Variants in TFG observed in about 807,000 individuals in gnomAD.
TFG encodes the protein protein TFG.
In TFG, 22 loss-of-function variants were observed where a neutral mutation model predicts 51.4. That is an observed-to-expected ratio of 0.43 (90% CI 0.31 to 0.61). The LOEUF (loss-of-function observed/expected upper bound fraction) is 0.61, where lower values mean the gene tolerates loss of function less well. Ranked by LOEUF, TFG falls within the 20% of genes least tolerant of loss-of-function variation. The probability of loss-of-function intolerance (pLI) is 0.12; values close to 1 mark genes in which losing one functional copy is unlikely to be tolerated. For missense variants in TFG, 419 were observed against 487.7 expected (o/e 0.86, Z 1.33); for synonymous variants, 187 against 165.6 (o/e 1.13, Z -0.99).
At chr3:100,722,805 A>G (rs972912565) in intron 3 of TFG, among the ~76,000 whole-genome samples, 1 of 152,228 alleles carries the variant, frequency 6.6e-6, no homozygotes, top group African/African-American at 2.4e-5. Flanking sequence ...AAGTAAAAAT[A>G]CTTTGAAAGA....
Position 100,725,622 on chromosome 3 carries a change from CAA to C in TFG, c.269-3068_269-3067del, listed in dbSNP as rs763163559. ...CGAAACTCCGTCTCTACCAAAAATACAAAAAAAAAAAAAAAAAAAAAAATTAG... is the reference window on the plus strand; with the variant it reads ...CGAAACTCCGTCTCTACCAAAAATACAAAAAAAAAAAAAAAAAAAAATTAG... On this transcript the variant is annotated intron_variant, in intron 3 of 7. Transcript: ENST00000240851. 7.8e-3 allele frequency among the ~76,000 whole-genome samples: 655 copies of C among 83,486 alleles called. 12 individuals carry two copies. The highest frequency in any genetic ancestry group is 0.045 in the Admixed American group (324 of 7,180). The allele number at this position is 83,486 out of a possible 152,430, so 54.8% of individuals were successfully genotyped here.
At position 100,732,495 on chromosome 3, in the gene TFG, T is replaced by C; in HGVS notation, c.416-13T>C. ...AAGGAAACAAGTTTTTGTTTATTCC[T>C]CTATTTTTACAGATACTGTGGATGG... On this transcript the variant is annotated splice_polypyrimidine_tract_variant and intron_variant, in intron 4 of 7. Coordinates refer to ENST00000240851, the MANE Select transcript of TFG (RefSeq NM_006070.6). 6.3e-7 allele frequency: 1 copy of C among 1,589,584 alleles called. No homozygotes were observed. Among genetic ancestry groups the C allele is most frequent in the Non-Finnish European group, 8.5e-7 (1 of 1,172,290 alleles).
At chr3:100,741,123 TTACTA>T (rs545599363) in intron 6 of TFG, among the ~76,000 whole-genome samples, 6 of 151,892 alleles carry the variant, frequency 4.0e-5, no homozygotes, top group African/African-American at 1.5e-4. Context: ...ATTTGTGAAT[TTACTA>T]TACTATATTT....
chr3:100,748,280 C>G lies in TFG; in HGVS notation c.952C>G (p.Gln318Glu). 1 of 1,614,124 alleles carries G rather than the reference C, an allele frequency of 6.2e-7. No homozygotes were observed. The highest frequency in any genetic ancestry group is 8.5e-7 in the Non-Finnish European group (1 of 1,179,996). ...PQQLPAQPPQ[Q>E]YQASNYPAQT... ...ACAACTGCCTGCTCAGCCGCCACAG[C>G]AGTACCAGGCGAGCAATTATCCTGC... The change falls in exon 8 of 8, where the codon CAG becomes GAG. Residue 318 changes from glutamine (Q) to glutamate (E), a missense_variant. Physicochemically the swap from Gln to Glu is conservative, Grantham distance 29 (BLOSUM62 2). This residue lies in a region of TFG where 391 missense variants were observed against 434.4 expected (regional missense o/e 0.90). Transcript: ENST00000240851.
intron 2 of TFG, among the ~76,000 whole-genome samples, chr3:100,717,929 T>A: frequency 1.3e-5 from 2 of 152,326 alleles, no homozygotes; most frequent in East Asian, 3.9e-4. Flanking sequence ...TTTTATTTTT[T>A]ATTTTTTTGT....
At chr3:100,732,828 T>C (rs1180719518) in intron 5 of TFG, among the ~76,000 whole-genome samples, 156 bp downstream of exon 5, 7 of 152,218 alleles carry the variant, frequency 4.6e-5, no homozygotes, top group African/African-American at 9.6e-5. Context: ...TGTACACTTA[T>C]GTAAAAGACT....
rs747646332 is a variant in TFG at position 100,728,664 on chromosome 3, C to G, written c.269-48C>G. 6 of 1,450,786 alleles carry G rather than the reference C, an allele frequency of 4.1e-6. No homozygotes were observed. The African/African-American group carries it at 7.3e-5, about 18-fold the overall frequency. The allele number at this position is 1,450,786 out of a possible 1,614,324, so 89.9% of individuals were successfully genotyped here. A position where few individuals can be genotyped will look rare whatever the true frequency, so the allele number is the denominator to read the frequency against. ...TTCCTTGTTGCATATTATTAGTATA[C>G]TTATTCATGAACTTCTAATTTTAAG... On this transcript the variant is annotated intron_variant, in intron 3 of 7. Coordinates refer to ENST00000240851, the MANE Select transcript of TFG (RefSeq NM_006070.6).
chr3:100,723,047 G>A (rs1307508813), intron 3 of TFG, among the ~76,000 whole-genome samples: 2 of 152,192 alleles, frequency 1.3e-5, no homozygotes, highest in African/African-American at 4.8e-5. Flanking sequence ...TCAGGGGATT[G>A]GGAAGCACCA....
intron 2 of TFG, among the ~76,000 whole-genome samples, chr3:100,714,566 C>A (rs548412114): frequency 7.8e-6 from 1 of 127,672 alleles, no homozygotes. Context: ...TTTTCACATA[C>A]ATTTTTTTTA....
At chr3:100,723,686 T>C (rs9853596) in intron 3 of TFG, among the ~76,000 whole-genome samples, 4,537 of 152,292 alleles carry the variant, frequency 0.03, 182 homozygotes, top group African/African-American at 0.092. Flanking sequence ...TGAACACTTA[T>C]GCATGTTAGC....
chr3:100,709,931 G>A (rs1457364774), intron 1 of TFG: 2 of 132,728 alleles, frequency 1.5e-5, no homozygotes, highest in African/African-American at 2.7e-5. Context: ...TGCATGGGGG[G>A]AGGGGAAGGG....
At chr3:100,745,612 CAG>C (rs1350494196) in intron 7 of TFG, among the ~76,000 whole-genome samples, 2 of 152,128 alleles carry the variant, frequency 1.3e-5, no homozygotes, top group South Asian at 2.1e-4. Flanking sequence ...ACAGTTATGT[CAG>C]AGAGTTTGTG....
intron 1 of TFG, among the ~76,000 whole-genome samples, chr3:100,712,800 A>G (rs889315478): frequency 1.1e-4 from 17 of 152,232 alleles, no homozygotes; most frequent in African/African-American, 3.6e-4. Context: ...CAGGGGAGCC[A>G]TTTTAAATTA....
intron 7 of TFG, among the ~76,000 whole-genome samples, chr3:100,746,509 TA>T (rs986010186): frequency 1.3e-4 from 20 of 149,172 alleles, no homozygotes; most frequent in East Asian, 2.0e-4. Flanking sequence ...TCCTATGTAT[TA>T]AAAAAAAAAC....
At position 100,715,975 on chromosome 3, in the gene TFG, T is replaced by G. The variant is rs561914739; in HGVS notation, c.184+2106T>G. On this transcript the variant is annotated intron_variant, in intron 2 of 7. Coordinates refer to ENST00000240851, the MANE Select transcript of TFG (RefSeq NM_006070.6). ...GACAAATAATAATTGTACATATTTA[T>G]GGGGTACATAGTAATGTTTCATTAC... Among the ~76,000 whole-genome samples, 7 of 152,106 alleles carry G rather than the reference T, an allele frequency of 4.6e-5. 1 individual carries two copies. The highest frequency in any genetic ancestry group is 2.6e-4 in the Admixed American group (4 of 15,270).
At chr3:100,735,454 A>G (rs1297871653) in intron 5 of TFG, among the ~76,000 whole-genome samples, 2 of 152,174 alleles carry the variant, frequency 1.3e-5, no homozygotes, top group Non-Finnish European at 2.9e-5. Flanking sequence ...GTAAACTCAT[A>G]ATCCTCACAA....
chr3:100,720,331 G>A (rs1196618683), intron 3 of TFG, among the ~76,000 whole-genome samples: 3 of 152,084 alleles, frequency 2.0e-5, no homozygotes, highest in African/African-American at 7.2e-5. Context: ...CAGTATTATA[G>A]TTTTAATTTA....
At position 100,744,864 on chromosome 3, in the gene TFG, C is replaced by T. The variant is rs561791332; in HGVS notation, c.753C>T (p.Ala251=). 55 of 1,613,400 alleles carry T rather than the reference C, an allele frequency of 3.4e-5. No homozygotes were observed. The Middle Eastern group carries it at 8.3e-4, about 24-fold the overall frequency. ...GQMYQQYQQQ[A]GYGAQQPQAP... is the part of the protein sequence containing the mutation. ...TGTACCAACAGTACCAGCAACAGGC[C>T]GGCTATGGTGCACAGCAGCCGCAGG... The change falls in exon 7 of 8, where the codon GCC becomes GCT. Residue 251 remains alanine (A), a synonymous_variant. Coordinates refer to ENST00000240851, the MANE Select transcript of TFG (RefSeq NM_006070.6).
intron 1 of TFG, among the ~76,000 whole-genome samples, chr3:100,712,928 G>A (rs939895797): frequency 1.3e-5 from 2 of 152,206 alleles, no homozygotes; most frequent in Non-Finnish European, 2.9e-5. Context: ...GCAGGGGTGA[G>A]TGAAGAAGAG....
Sources: gnomAD v4.1 joint callset for allele counts (sites outside exome capture counted in the v4.1 genomes callset) on GRCh38, gnomAD v4.1.1 for gene constraint, gnomAD v4.1.1 regional missense constraint, MANE v1.5 for transcripts, NCBI Gene and HGNC (gene_info 2026-07-23, HGNC 2026-07-21) for gene names.